SMYD3: variants seen among roughly 807,000 people sequenced by gnomAD.
The protein encoded by SMYD3 is histone-lysine N-methyltransferase SMYD3.
A neutral mutation model predicts 57.7 loss-of-function variants in SMYD3; 36 were observed. That is an observed-to-expected ratio of 0.62 (90% CI 0.48 to 0.82). The LOEUF is 0.82. SMYD3 is among the 40% of genes least tolerant of loss of function. SMYD3 has a pLI of 0.00. For missense variants in SMYD3, 515 were observed against 538.8 expected, an observed-to-expected ratio of 0.96 and a Z score of 0.44; for synonymous variants, 211 against 195.0, an observed-to-expected ratio of 1.08 and a Z score of -0.68.
intron 5 of SMYD3, among the ~76,000 whole-genome samples, chr1:246,138,519 A>G (rs34618116): frequency 0.11 from 7,981 of 72,064 alleles, 1,283 homozygotes; most frequent in Non-Finnish European, 0.22. Context: ...TCCGCCTCCC[A>G]GGTTCACACC....
chr1:246,500,107 T>C (rs974783282), intron 1 of SMYD3, among the ~76,000 whole-genome samples: 1 of 152,206 alleles, frequency 6.6e-6, no homozygotes, highest in Admixed American at 6.5e-5. Flanking sequence ...GGGAAACTGG[T>C]TGTTGCTGGA....
At chr1:246,334,963 C>T (rs923977657) in intron 3 of SMYD3, among the ~76,000 whole-genome samples, 8 of 152,098 alleles carry the variant, frequency 5.3e-5, no homozygotes, top group African/African-American at 9.7e-5. Flanking sequence ...GCGGCAAATT[C>T]GACTGTTGTC....
intron 5 of SMYD3, among the ~76,000 whole-genome samples, chr1:245,959,727 C>A (rs948960335): frequency 6.6e-6 from 1 of 152,190 alleles, no homozygotes; most frequent in African/African-American, 2.4e-5. Flanking sequence ...ATAACATTCA[C>A]AGAACAAAAT....
intron 1 of SMYD3, among the ~76,000 whole-genome samples, chr1:246,475,913 C>A (rs971956098): frequency 1.3e-5 from 2 of 152,140 alleles, no homozygotes; most frequent in African/African-American, 4.8e-5. Flanking sequence ...CCACGTCCAG[C>A]CAAGTTTTTA....
intron 5 of SMYD3, among the ~76,000 whole-genome samples, chr1:246,126,926 T>C (rs1487210170): frequency 6.6e-6 from 1 of 152,110 alleles, no homozygotes; most frequent in African/African-American, 2.4e-5. Context: ...GAGGCAGTTA[T>C]ATTATTAATA....
At chr1:246,004,581 G>A (rs904962428) in intron 5 of SMYD3, among the ~76,000 whole-genome samples, 1 of 152,234 alleles carries the variant, frequency 6.6e-6, no homozygotes, top group Non-Finnish European at 1.5e-5. Context: ...TGATTTCCAG[G>A]CTGGCTCCCT....
intron 1 of SMYD3, among the ~76,000 whole-genome samples, chr1:246,472,575 C>T (rs1162492772): frequency 6.6e-6 from 1 of 151,852 alleles, no homozygotes; most frequent in Non-Finnish European, 1.5e-5. Flanking sequence ...AGACCCTGTC[C>T]CTACAAAAAA....
intron 1 of SMYD3, among the ~76,000 whole-genome samples, chr1:246,418,861 C>A (rs1357630473): frequency 6.6e-6 from 1 of 152,144 alleles, no homozygotes; most frequent in Non-Finnish European, 1.5e-5. Context: ...GCCATCATAT[C>A]CCCCGTGACC....
intron 5 of SMYD3, among the ~76,000 whole-genome samples, chr1:246,273,079 A>C (rs2064251543): frequency 7.0e-6 from 1 of 142,560 alleles, no homozygotes; most frequent in Non-Finnish European, 1.5e-5. Context: ...ACTCTTCCTA[A>C]TGCCCTCCTA....
intron 1 of SMYD3, among the ~76,000 whole-genome samples, chr1:246,394,060 T>C (rs187249767): frequency 2.2e-4 from 34 of 152,270 alleles, no homozygotes; most frequent in African/African-American, 7.2e-4. Flanking sequence ...AAATTACTCC[T>C]CTCTGGTGTC....
intron 9 of SMYD3, among the ~76,000 whole-genome samples, chr1:245,861,344 C>A (rs532784289): frequency 1.3e-5 from 2 of 152,122 alleles, no homozygotes; most frequent in East Asian, 1.9e-4. Context: ...GTGGACAGAA[C>A]GGATATCTTT....
rs577890750 is a variant in SMYD3 at position 246,381,468 on chromosome 1, T to C, written c.165-26374A>G. ...GGCGAACAGAGACCAAGTTTATCGA[T>C]GCTTTTGTGTAAAGTTGCATACACA... On this transcript the variant is annotated intron_variant, in intron 1 of 11. Transcript: ENST00000490107. Among the ~76,000 whole-genome samples the C allele has an allele frequency of 6.6e-5, 10 of 152,332 alleles. No homozygotes were observed. The South Asian group carries it at 1.9e-3, about 28-fold the overall frequency.
intron 1 of SMYD3, among the ~76,000 whole-genome samples, chr1:246,484,016 TAAACC>T (rs1310709958): frequency 6.8e-6 from 1 of 147,020 alleles, no homozygotes; most frequent in Non-Finnish European, 1.5e-5. Flanking sequence ...CCAAAATACC[TAAACC>T]ATTGCACTAG....
At chr1:246,008,522 C>T (rs886227013) in intron 5 of SMYD3, among the ~76,000 whole-genome samples, 3 of 152,150 alleles carry the variant, frequency 2.0e-5, no homozygotes, top group Admixed American at 6.5e-5. Flanking sequence ...TCCTGGAGGG[C>T]ATAAGAGCTG....
chr1:246,468,763 G>A (rs2103046364), intron 1 of SMYD3, among the ~76,000 whole-genome samples: 1 of 152,234 alleles, frequency 6.6e-6, no homozygotes, highest in Non-Finnish European at 1.5e-5. Flanking sequence ...GTTGCTTGGG[G>A]TCAGGAGTTT....
chr1:246,303,638 G>A (rs1318508613), intron 5 of SMYD3, among the ~76,000 whole-genome samples: 1 of 152,004 alleles, frequency 6.6e-6, no homozygotes, highest in Non-Finnish European at 1.5e-5. Flanking sequence ...AGATACAGAT[G>A]GCTGACTGTA....
At chr1:246,322,816 A>G (rs1262049177) in intron 5 of SMYD3, among the ~76,000 whole-genome samples, 1 of 152,238 alleles carries the variant, frequency 6.6e-6, no homozygotes, top group Non-Finnish European at 1.5e-5. Flanking sequence ...TCCTCTAGAG[A>G]AATTCTGGGA....
At chr1:246,281,470 A>T (rs770302324) in intron 5 of SMYD3, among the ~76,000 whole-genome samples, 31 of 152,216 alleles carry the variant, frequency 2.0e-4, no homozygotes, top group Non-Finnish European at 3.2e-4. Flanking sequence ...ATGGGTGAGT[A>T]AAGCTCTGTG....
intron 5 of SMYD3, among the ~76,000 whole-genome samples, chr1:245,947,707 A>G (rs1192168443): frequency 6.6e-6 from 1 of 152,228 alleles, no homozygotes; most frequent in African/African-American, 2.4e-5. Flanking sequence ...TAGCAAGATC[A>G]TAATTATTAC....
Sources: allele counts gnomAD v4.1 joint callset (sites outside exome capture counted in the v4.1 genomes callset), GRCh38; gene constraint gnomAD v4.1.1; transcripts MANE v1.5; gene names NCBI Gene and HGNC (gene_info 2026-07-23, HGNC 2026-07-21).